The following MTHFD2L variants were observed in gnomAD, a reference collection of about 807,000 sequenced individuals.
MTHFD2L encodes bifunctional methylenetetrahydrofolate dehydrogenase/cyclohydrolase 2, mitochondrial.
Under a neutral mutation model 34.9 loss-of-function variants are expected in MTHFD2L, and 29 were observed. The observed-to-expected ratio is 0.83, with a 90% CI of 0.62 to 1.13. The LOEUF (loss-of-function observed/expected upper bound fraction) is 1.13, where lower values mean the gene tolerates loss of function less well. Ranked by LOEUF, MTHFD2L falls within the 50% of genes most tolerant of loss-of-function variation. MTHFD2L has a pLI of 0.00. For missense variants in MTHFD2L, 481 were observed against 446.5 expected, an observed-to-expected ratio of 1.08 and a Z score of -0.70; for synonymous variants, 167 against 155.7, an observed-to-expected ratio of 1.07 and a Z score of -0.54.
intron 1 of MTHFD2L, among the ~76,000 whole-genome samples, chr4:74,173,746 T>C (rs1202100328): frequency 6.6e-6 from 1 of 152,152 alleles, no homozygotes; most frequent in Admixed American, 6.5e-5. Context: ...TTAGAAAAAA[T>C]AGCAGAACTT....
chr4:74,295,076 C>A (rs146874124), intron 7 of MTHFD2L, among the ~76,000 whole-genome samples: 27 of 152,102 alleles, frequency 1.8e-4, no homozygotes, highest in Admixed American at 5.9e-4. Context: ...TGTAAATAGC[C>A]AAGTTTATTC....
intron 2 of MTHFD2L, among the ~76,000 whole-genome samples, chr4:74,116,089 T>C (rs184513947): frequency 3.9e-5 from 6 of 152,308 alleles, no homozygotes; most frequent in Admixed American, 3.9e-4. Context: ...ATTGGAATAA[T>C]ATTCTCCACA....
chr4:74,262,501 G>C (rs1282905322), intron 6 of MTHFD2L, among the ~76,000 whole-genome samples: 1 of 151,710 alleles, frequency 6.6e-6, no homozygotes, highest in Admixed American at 6.6e-5. Flanking sequence ...ACATAACAAA[G>C]AATTAGTATG....
intron 3 of MTHFD2L, chr4:74,183,035 T>G (rs538570214): frequency 6.6e-6 from 1 of 151,852 alleles, no homozygotes; most frequent in Non-Finnish European, 1.5e-5. Flanking sequence ...TCATGAAACA[T>G]GAAGAAAACT....
intron 5 of MTHFD2L, among the ~76,000 whole-genome samples, chr4:74,218,492 C>T (rs1737581808): frequency 6.6e-6 from 1 of 152,042 alleles, no homozygotes; most frequent in Non-Finnish European, 1.5e-5. Flanking sequence ...GCGGCCAAGA[C>T]ACAACCAGAG....
chr4:74,298,012 A>T (rs1207859140), intron 7 of MTHFD2L, among the ~76,000 whole-genome samples: 1 of 152,068 alleles, frequency 6.6e-6, no homozygotes, highest in Non-Finnish European at 1.5e-5. Context: ...CCAGCAGCAG[A>T]TAAGCTTATT....
upstream of MTHFD2L, among the ~76,000 whole-genome samples, chr4:74,124,499 A>C (rs974821246): frequency 2.6e-5 from 4 of 151,450 alleles, no homozygotes; most frequent in African/African-American, 9.6e-5. Flanking sequence ...TTTATATATT[A>C]GTTTTTATAT....
intron 1 of MTHFD2L, among the ~76,000 whole-genome samples, chr4:74,137,874 T>C (rs963182717): frequency 6.6e-6 from 1 of 152,114 alleles, no homozygotes; most frequent in Non-Finnish European, 1.5e-5. Flanking sequence ...AAATATGGCA[T>C]GTTCTTGCTC....
At chr4:74,187,661 C>T (rs1183856037) in intron 3 of MTHFD2L, among the ~76,000 whole-genome samples, 2 of 151,858 alleles carry the variant, frequency 1.3e-5, no homozygotes, top group Non-Finnish European at 2.9e-5. Flanking sequence ...TCATGTTCTC[C>T]TGTAGTGGAG....
chr4:74,271,964 T>C (rs1490750534), intron 6 of MTHFD2L, among the ~76,000 whole-genome samples: 1 of 152,106 alleles, frequency 6.6e-6, no homozygotes, highest in Non-Finnish European at 1.5e-5. Context: ...ATTATGTAAG[T>C]TCAGACAGAA....
chr4:74,130,836 C>T (rs1722438986), intron 1 of MTHFD2L, among the ~76,000 whole-genome samples: 1 of 152,058 alleles, frequency 6.6e-6, no homozygotes, highest in African/African-American at 2.4e-5. Context: ...ATTCAGAAAA[C>T]CCCATCATAT....
intron 7 of MTHFD2L, among the ~76,000 whole-genome samples, chr4:74,292,125 C>T (rs1164897922): frequency 6.6e-6 from 1 of 152,172 alleles, no homozygotes; most frequent in Non-Finnish European, 1.5e-5. Context: ...CACTGATGGT[C>T]ACTATGAGAT....
At chr4:74,232,863 G>T (rs1578556862) in intron 6 of MTHFD2L, among the ~76,000 whole-genome samples, 1 of 152,000 alleles carries the variant, frequency 6.6e-6, no homozygotes, top group Non-Finnish European at 1.5e-5. Context: ...AGTATTGAGT[G>T]CTATGGATAT....
At chr4:74,270,399 C>CT (rs1415201302) in intron 6 of MTHFD2L, among the ~76,000 whole-genome samples, 3 of 152,026 alleles carry the variant, frequency 2.0e-5, no homozygotes, top group Non-Finnish European at 4.4e-5. Context: ...CAATTCCCAC[C>CT]TATGAGTGAG....
At chr4:74,286,428 T>G (rs1748184016) in intron 7 of MTHFD2L, among the ~76,000 whole-genome samples, 1 of 152,166 alleles carries the variant, frequency 6.6e-6, no homozygotes, top group East Asian at 1.9e-4. Flanking sequence ...GAAAGAAACT[T>G]CATACATTTC....
At chr4:74,145,290 T>C (rs993282427) in intron 1 of MTHFD2L, among the ~76,000 whole-genome samples, 2 of 152,186 alleles carry the variant, frequency 1.3e-5, no homozygotes, top group African/African-American at 4.8e-5. Context: ...GTACAACTAT[T>C]TACATAGCAT....
chr4:74,127,281 T>A (rs1021419914), intron 1 of MTHFD2L, among the ~76,000 whole-genome samples: 12 of 152,160 alleles, frequency 7.9e-5, no homozygotes, highest in African/African-American at 2.9e-4. Context: ...ATTATTCTCT[T>A]CTAGCTATTT....
At position 74,281,466 on chromosome 4, in the gene MTHFD2L, G is replaced by C; in HGVS notation, c.847G>C (p.Ala283Pro). 1.9e-6 allele frequency: 3 copies of C among 1,612,766 alleles called. 1 individual carries two copies. The South Asian group carries it at 3.3e-5, about 18-fold the overall frequency. ...LITSDMVKEGAAVIDVGINYV... is the reference protein window; with the variant it reads ...LITSDMVKEGPAVIDVGINYV... ...TACGTCTGATATGGTTAAAGAAGGT[G>C]CTGCTGTAATTGATGTGGGTATCAA... The change falls in exon 7 of 8, where the codon GCT becomes CCT. Residue 283 changes from alanine (A) to proline (P), a missense_variant. Coordinates refer to ENST00000325278, the MANE Select transcript of MTHFD2L (RefSeq NM_001144978.3).
intron 3 of MTHFD2L, chr4:74,182,961 G>A (rs1192629022): frequency 1.3e-5 from 2 of 152,032 alleles, no homozygotes; most frequent in Non-Finnish European, 2.9e-5. Flanking sequence ...ATAAATGACT[G>A]GGATTTCAGA....
Sources: allele counts gnomAD v4.1 joint callset (sites outside exome capture counted in the v4.1 genomes callset), GRCh38; gene constraint gnomAD v4.1.1; transcripts MANE v1.5; gene names NCBI Gene and HGNC (gene_info 2026-07-23, HGNC 2026-07-21).